Variants in STAB2 observed in about 807,000 individuals in gnomAD.
STAB2 encodes stabilin 2, also known as stabilin-2.
Under a neutral mutation model 338.1 loss-of-function variants are expected in STAB2, and 288 were observed. That is an observed-to-expected ratio of 0.85 (90% confidence interval 0.77 to 0.94). The LOEUF is 0.94. STAB2 is among the 40% of genes least tolerant of loss of function. STAB2 has a pLI of 0.00. For synonymous variants in STAB2, 1,202 were observed against 1,193.3 expected (o/e 1.01, Z -0.15); for missense variants, 3,141 against 3,210.1 (o/e 0.98, Z 0.52).
intron 28 of STAB2, among the ~76,000 whole-genome samples, chr12:103,688,742 C>T (rs139947649): frequency 2.0e-5 from 3 of 152,172 alleles, no homozygotes; most frequent in Non-Finnish European, 4.4e-5. Flanking sequence ...CTCTGAACCC[C>T]CCATCCCAGC....
At chr12:103,763,408 G>T (rs201931855) in intron 67 of STAB2, 84 bp from the exon 68 acceptor site, 118 of 1,107,216 alleles carry the variant, frequency 1.1e-4, no homozygotes, top group Middle Eastern at 4.5e-4. Flanking sequence ...AGAGGCAAAG[G>T]GTGGCTTGCT....
At chr12:103,757,188 A>C (rs1293469160) in intron 63 of STAB2, among the ~76,000 whole-genome samples, 1 of 151,714 alleles carries the variant, frequency 6.6e-6, no homozygotes, top group Non-Finnish European at 1.5e-5. Flanking sequence ...TCCTGGGCTC[A>C]AGGGCTCCTC....
At chr12:103,603,348 G>C (rs1318121105) in intron 3 of STAB2, among the ~76,000 whole-genome samples, 1 of 152,186 alleles carries the variant, frequency 6.6e-6, no homozygotes, top group Non-Finnish European at 1.5e-5. Flanking sequence ...GGGATTACAG[G>C]CGTGAGCCAC....
At chr12:103,676,084 C>G in intron 24 of STAB2, 63 bp downstream of exon 24, 14 of 862,862 alleles carry the variant, frequency 1.6e-5, no homozygotes, top group Non-Finnish European at 2.1e-5. Context: ...TTTTTTGAGA[C>G]AGAGTCTCGC....
At chr12:103,729,125 A>C in intron 48 of STAB2, 130 bp downstream of exon 48, 1 of 817,182 alleles carries the variant, frequency 1.2e-6, no homozygotes, top group Non-Finnish European at 2.0e-6. Context: ...GCATGTCCTC[A>C]CTTACAAGTG....
intron 22 of STAB2, 141 bp downstream of exon 22, chr12:103,670,948 G>T: frequency 1.4e-6 from 1 of 690,260 alleles, no homozygotes; most frequent in Non-Finnish European, 2.5e-6. Flanking sequence ...ATTAAGCTTT[G>T]GTTCTCAAAC....
At chr12:103,759,696 G>GTGA (rs1884398895) in intron 65 of STAB2, among the ~76,000 whole-genome samples, 1 of 152,182 alleles carries the variant, frequency 6.6e-6, no homozygotes, top group African/African-American at 2.4e-5. Context: ...CAGGATGATG[G>GTGA]TGATGGTGGT....
intron 33 of STAB2, among the ~76,000 whole-genome samples, chr12:103,696,545 A>G (rs888903695): frequency 2.0e-5 from 3 of 152,230 alleles, no homozygotes; most frequent in Non-Finnish European, 4.4e-5. Context: ...TGTAAGAAAC[A>G]GGATCCACAA....
intron 27 of STAB2, among the ~76,000 whole-genome samples, 153 bp from the exon 28 acceptor site, chr12:103,688,015 A>C (rs697206): frequency 6.6e-6 from 1 of 152,052 alleles, no homozygotes; most frequent in African/African-American, 2.4e-5. Context: ...ACGCATTCAC[A>C]TCAGCATCAG....
rs2139210142 is a variant in STAB2 at position 103,755,414 on chromosome 12, G to T, written c.6827G>T (p.Gly2276Val). 1 of 1,614,116 alleles carries T rather than the reference G, an allele frequency of 6.2e-7. No homozygotes were observed. The highest frequency in any genetic ancestry group is 1.3e-5 in the African/African-American group (1 of 75,012). ...GSGVVGIVDY[G>V]PRPNKSEMWD... Reference sequence around the variant, plus strand: ...GGTGTGGTTGGGATAGTGGACTATGGACCTAGACCCAACAAGAGTGAAATG... The same window carrying T: ...GGTGTGGTTGGGATAGTGGACTATGTACCTAGACCCAACAAGAGTGAAATG... Residue 2276 changes from glycine (G) to valine (V), a missense_variant, in exon 62 of 69, where the codon GGA (glycine) becomes GTA (valine). By Grantham distance (109) the Gly-to-Val change is moderately radical. Transcript: ENST00000388887.
chr12:103,675,248 TG>T (rs1876228526), intron 23 of STAB2, among the ~76,000 whole-genome samples: 1 of 152,198 alleles, frequency 6.6e-6, no homozygotes, highest in Admixed American at 6.5e-5. Flanking sequence ...GATGAATGAA[TG>T]GGCCACCTTT....
intron 51 of STAB2, among the ~76,000 whole-genome samples, chr12:103,734,740 T>G (rs1287516514): frequency 6.6e-6 from 1 of 152,078 alleles, no homozygotes; most frequent in African/African-American, 2.4e-5. Flanking sequence ...CAGAAGTGGT[T>G]TTTTTTTGTA....
chr12:103,648,413 A>G (rs1023148391), intron 9 of STAB2, among the ~76,000 whole-genome samples: 7 of 152,138 alleles, frequency 4.6e-5, no homozygotes, highest in African/African-American at 9.7e-5. Context: ...AAGCACTCCA[A>G]GTGATTCTGA....
chr12:103,677,501 C>A lies in STAB2; in HGVS notation c.2695C>A (p.Gln899Lys), dbSNP rs973685938. 13 of 1,613,948 alleles carry A rather than the reference C, an allele frequency of 8.1e-6. No homozygotes were observed. The highest frequency in any genetic ancestry group is 1.1e-5 in the Non-Finnish European group (13 of 1,179,920). Residue 899 changes from glutamine to lysine, a missense_variant, in exon 25 of 69, where the codon CAG becomes AAG. Transcript: ENST00000388887. ...GGGCACCCACACCTGCGTGTGTCAGCAGGGTTGGACAGGGAATGGGAGAGA... is the reference window on the plus strand; with the variant it reads ...GGGCACCCACACCTGCGTGTGTCAGAAGGGTTGGACAGGGAATGGGAGAGA... The part of the protein sequence containing the change: ...GTGTHTCVCQ[Q>K]GWTGNGRDCS...
In STAB2 at chr12:103,753,119, G is replaced by GTA. The variant is rs1883809318; in HGVS notation, c.6581-98_6581-97dup. On this transcript the variant is annotated intron_variant, in intron 60 of 68. Transcript: ENST00000388887. ...AAGTGGCTTCTGGAGACACCCTGGGGTATAGCTGGCCTTCATTTTGAAAGT... is the reference window on the plus strand; with the variant it reads ...AAGTGGCTTCTGGAGACACCCTGGGGTATATAGCTGGCCTTCATTTTGAAAGT... 5.4e-6 allele frequency: 8 copies of GTA among 1,473,964 alleles called. No homozygotes were observed. The African/African-American group carries it at 8.3e-5, about 15-fold the overall frequency. The allele number at this position is 1,473,964 out of a possible 1,614,324, so 91.3% of individuals were successfully genotyped here.
intron 39 of STAB2, 98 bp from the exon 40 acceptor site, chr12:103,711,373 C>A: frequency 6.7e-7 from 1 of 1,482,410 alleles, no homozygotes; most frequent in Non-Finnish European, 9.4e-7. Context: ...TGATACATAT[C>A]ACTTCCAAAG....
At chr12:103,684,247 A>G (rs532568718) in intron 26 of STAB2, among the ~76,000 whole-genome samples, 1 of 152,172 alleles carries the variant, frequency 6.6e-6, no homozygotes, top group Non-Finnish European at 1.5e-5. Flanking sequence ...GTTCAAAATC[A>G]TAGAGGAAAG....
At chr12:103,660,788 A>G (rs1359001170) in intron 17 of STAB2, 25 bp downstream of exon 17, 41 of 1,609,392 alleles carry the variant, frequency 2.5e-5, no homozygotes, top group Non-Finnish European at 3.2e-5. Context: ...AACCACCACC[A>G]GCATCACTTG....
rs1875684505 is a variant in STAB2, at chr12:103,670,677, G to A, written c.2260-19G>A. On this transcript the variant is annotated intron_variant, in intron 21 of 68. Coordinates refer to ENST00000388887, the MANE Select transcript of STAB2 (RefSeq NM_017564.10). ...AACTATGTGTCCTAATGGCCCATGG[G>A]CCCTGCCTTTGCTCCCAGTGTGCAG... 1 of 1,605,926 alleles carries A rather than the reference G, an allele frequency of 6.2e-7. No homozygotes were observed. The highest frequency in any genetic ancestry group is 2.2e-5 in the East Asian group (1 of 44,792).
Sources: allele counts gnomAD v4.1 joint callset (sites outside exome capture counted in the v4.1 genomes callset), GRCh38; gene constraint gnomAD v4.1.1; transcripts MANE v1.5; gene names NCBI Gene and HGNC (gene_info 2026-07-23, HGNC 2026-07-21).